The following EDA variants were observed in gnomAD, a reference collection of about 807,000 sequenced individuals.
EDA encodes the protein ectodysplasin-A.
In EDA, 2 loss-of-function variants were observed where a neutral mutation model predicts 23.6. The ratio of observed to expected loss-of-function variants is 0.08; its 90% CI spans 0.03 to 0.27. EDA has a LOEUF of 0.27. EDA is among the 10% of genes least tolerant of loss of function. EDA has a pLI of 1.00. For synonymous variants in EDA, 131 were observed against 132.0 expected, an observed-to-expected ratio of 0.99 and a Z score of 0.05; for missense variants, 229 against 324.2, an observed-to-expected ratio of 0.71 and a Z score of 2.26.
At chrX:69,856,023 T>C (rs781013697) in intron 1 of EDA, among the ~76,000 whole-genome samples, 2 of 110,648 alleles carry the variant, frequency 1.8e-5, no homozygotes, top group African/African-American at 6.6e-5. Flanking sequence ...ACCTTATTTG[T>C]AGTCTTTTAT....
chrX:69,951,754 T>C lies in EDA; in HGVS notation c.397-5273T>C, dbSNP rs930860918. Among the ~76,000 whole-genome samples, 7 of 112,194 alleles carry C rather than the reference T, an allele frequency of 6.2e-5. No homozygotes were observed. The Admixed American group carries it at 6.6e-4, about 11-fold the overall frequency. On this transcript the variant is annotated intron_variant, in intron 1 of 7. Transcript: ENST00000374552. ...AGCAATAATGGATGTATCCCTCATGTCTCACTATGAACGAACTGTTTCCAG... is the reference window on the plus strand; with the variant it reads ...AGCAATAATGGATGTATCCCTCATGCCTCACTATGAACGAACTGTTTCCAG...
intron 1 of EDA, among the ~76,000 whole-genome samples, chrX:69,835,903 G>C (rs142234759): frequency 6.2e-4 from 69 of 111,839 alleles, no homozygotes; most frequent in African/African-American, 2.2e-3. Flanking sequence ...TTTTGGTGTA[G>C]ATGACCTTTT....
At chrX:69,825,637 C>G (rs1602451076) in intron 1 of EDA, among the ~76,000 whole-genome samples, 1 of 112,561 alleles carries the variant, frequency 8.9e-6, no homozygotes, top group South Asian at 3.5e-4. Flanking sequence ...TGTTGATCCT[C>G]TCAAAAACCC....
At chrX:69,863,671 A>G (rs28496607) in intron 1 of EDA, among the ~76,000 whole-genome samples, 8 of 65,770 alleles carry the variant, frequency 1.2e-4, no homozygotes, top group African/African-American at 2.9e-4. Flanking sequence ...ACATATGTAT[A>G]TGTATGTATG....
chrX:69,780,751 C>A (rs2014917398), intron 1 of EDA, among the ~76,000 whole-genome samples: 1 of 111,074 alleles, frequency 9.0e-6, no homozygotes, highest in African/African-American at 3.3e-5. Context: ...CATATGAAGA[C>A]ATGCTTGCTT....
intron 1 of EDA, among the ~76,000 whole-genome samples, chrX:69,800,449 C>G (rs1172458151): frequency 9.0e-6 from 1 of 111,284 alleles, no homozygotes; most frequent in Non-Finnish European, 1.9e-5. Flanking sequence ...AATACTCTGA[C>G]TTGATCTTTA....
chrX:69,837,760 A>C (rs2016810336), intron 1 of EDA, among the ~76,000 whole-genome samples: 2 of 112,193 alleles, frequency 1.8e-5, no homozygotes, highest in African/African-American at 6.5e-5. Context: ...GTGGCATATG[A>C]GGAATTGATT....
At chrX:69,720,755 A>G (rs1276523150) in intron 1 of EDA, among the ~76,000 whole-genome samples, 1 of 111,989 alleles carries the variant, frequency 8.9e-6, no homozygotes, top group Non-Finnish European at 1.9e-5. Context: ...TTCCTTTTTC[A>G]TCTGTTTCAA....
At position 69,798,557 on chromosome X, in the gene EDA, C is replaced by T. The variant is rs887637914; in HGVS notation, c.397-158470C>T. Reference sequence around the variant, plus strand: ...TACCTGGAAATTAAACAACATGCTCCTGGATGACCACTGAGCCAATGAAGA... The same window carrying T: ...TACCTGGAAATTAAACAACATGCTCTTGGATGACCACTGAGCCAATGAAGA... On this transcript the variant is annotated intron_variant, in intron 1 of 7. Transcript: ENST00000374552. Among the ~76,000 whole-genome samples, 12 of 111,539 alleles carry T rather than the reference C, an allele frequency of 1.1e-4. 1 individual carries two copies. Among genetic ancestry groups the T allele is most frequent in the African/African-American group, 3.9e-4 (12 of 30,724 alleles).
chrX:69,998,620 T>C (rs760040532), intron 2 of EDA, among the ~76,000 whole-genome samples: 1 of 111,917 alleles, frequency 8.9e-6, no homozygotes, highest in East Asian at 2.8e-4. Flanking sequence ...CAGAATGATA[T>C]GGTTTGTCTT....
intron 1 of EDA, among the ~76,000 whole-genome samples, chrX:69,828,868 T>C (rs1405471528): frequency 2.7e-5 from 3 of 112,589 alleles, no homozygotes; most frequent in Non-Finnish European, 5.6e-5. Context: ...TGACAGCTAG[T>C]GTACCCTTCA....
intron 1 of EDA, among the ~76,000 whole-genome samples, chrX:69,753,996 G>A (rs1005387478): frequency 3.6e-5 from 4 of 110,552 alleles, no homozygotes; most frequent in African/African-American, 1.3e-4. Context: ...CCTGAATACA[G>A]CACATGGATG....
chrX:70,032,264 GAA>G (rs781197702), intron 6 of EDA, among the ~76,000 whole-genome samples: 3 of 90,064 alleles, frequency 3.3e-5, no homozygotes, highest in Non-Finnish European at 4.4e-5. Flanking sequence ...GTCCATCTCA[GAA>G]AAAAAAAAAA....
At chrX:69,682,957 GT>G (rs773378034) in intron 1 of EDA, among the ~76,000 whole-genome samples, 62 of 111,386 alleles carry the variant, frequency 5.6e-4, no homozygotes, top group Non-Finnish European at 1.0e-3. Context: ...TCACATAATG[GT>G]TAAGAATATA....
chrX:69,842,464 C>T (rs1602472891), intron 1 of EDA, among the ~76,000 whole-genome samples: 1 of 111,978 alleles, frequency 8.9e-6, no homozygotes, highest in Non-Finnish European at 1.9e-5. Flanking sequence ...CTCCCCACCC[C>T]AGTCCATGGA....
intron 2 of EDA, among the ~76,000 whole-genome samples, chrX:70,017,397 C>CA (rs747348862): frequency 1.1e-4 from 12 of 110,278 alleles, no homozygotes; most frequent in East Asian, 2.8e-4. Flanking sequence ...TTGGCAGAGA[C>CA]AAAAAAAACT....
chrX:69,865,379 G>A, intron 1 of EDA, among the ~76,000 whole-genome samples: 1 of 110,541 alleles, frequency 9.0e-6, no homozygotes, highest in Non-Finnish European at 1.9e-5. Flanking sequence ...AAGCTGAGGA[G>A]CAAGAAGAGC....
At chrX:69,778,830 T>G (rs2014860086) in intron 1 of EDA, among the ~76,000 whole-genome samples, 1 of 111,253 alleles carries the variant, frequency 9.0e-6, no homozygotes, top group African/African-American at 3.3e-5. Flanking sequence ...TTCCTGCAAT[T>G]TTCTGGCACA....
chrX:69,905,575 A>G (rs955140370), intron 1 of EDA, among the ~76,000 whole-genome samples: 2 of 111,392 alleles, frequency 1.8e-5, no homozygotes, highest in African/African-American at 6.5e-5. Flanking sequence ...ACTCTAGACT[A>G]TTTTCTTCTT....
Sources: allele counts gnomAD v4.1 joint callset (sites outside exome capture counted in the v4.1 genomes callset), GRCh38; gene constraint gnomAD v4.1.1; transcripts MANE v1.5; gene names NCBI Gene and HGNC (gene_info 2026-07-23, HGNC 2026-07-21).